The following RALB variants were observed in gnomAD, a reference collection of about 807,000 sequenced individuals.
The protein encoded by RALB is ras-related protein Ral-B.
RALB carries 16 observed loss-of-function variants against 21.3 expected under a neutral mutation model. The ratio of observed to expected loss-of-function variants is 0.75; its 90% CI spans 0.51 to 1.14. The LOEUF is 1.14. Ranked by LOEUF, RALB falls within the 50% of genes most tolerant of loss-of-function variation. RALB has a pLI of 0.00. For missense variants in RALB, 161 were observed against 256.2 expected, an observed-to-expected ratio of 0.63 and a Z score of 2.54; for synonymous variants, 93 against 96.1, an observed-to-expected ratio of 0.97 and a Z score of 0.19.
chr2:120,274,187 G>T (rs1266374336), intron 1 of RALB, among the ~76,000 whole-genome samples: 1 of 152,158 alleles, frequency 6.6e-6, no homozygotes, highest in Non-Finnish European at 1.5e-5. Flanking sequence ...CCTCAGCTCT[G>T]TAGGAAACAG....
chr2:120,281,464 T>C (rs1689988605), intron 2 of RALB, among the ~76,000 whole-genome samples: 1 of 152,242 alleles, frequency 6.6e-6, no homozygotes, highest in African/African-American at 2.4e-5. Context: ...TCATTCAATG[T>C]CAACATTTAC....
chr2:120,289,803 A>G (rs1690264974), intron 4 of RALB, 46 bp downstream of exon 4: 1 of 1,521,610 alleles, frequency 6.6e-7, no homozygotes, highest in Admixed American at 2.2e-5. Flanking sequence ...CCTGAGAAAC[A>G]GCAGAATGGA....
chr2:120,268,079 T>C (rs1689550449), intron 1 of RALB, among the ~76,000 whole-genome samples: 1 of 152,236 alleles, frequency 6.6e-6, no homozygotes, highest in South Asian at 2.1e-4. Context: ...CATGAGCCAC[T>C]GCACCTGGCC....
Position 120,294,253 on chromosome 2 carries a change from C to T in RALB, c.*993C>T, listed in dbSNP as rs557461207. ...GAAATCATGAAGCCAGAGCCTGTGC[C>T]AGACCTTCTGCTACCTCTCATAGAA... On this transcript the variant is annotated 3_prime_UTR_variant, in exon 5 of 5. Transcript: ENST00000272519. 1 of 398,508 alleles carries T rather than the reference C, an allele frequency of 2.5e-6. No homozygotes were observed. Among genetic ancestry groups the T allele is most frequent in the African/African-American group, 2.1e-5 (1 of 48,628 alleles). The allele number at this position is 398,508 out of a possible 1,614,324, so 24.7% of individuals were successfully genotyped here.
At chr2:120,274,473 A>T (rs1026749214) in intron 1 of RALB, among the ~76,000 whole-genome samples, 1 of 152,168 alleles carries the variant, frequency 6.6e-6, no homozygotes, top group African/African-American at 2.4e-5. Context: ...TCACAAACTG[A>T]TGAGTGCCCT....
chr2:120,293,331 G>A lies in RALB; in HGVS notation c.*71G>A. On this transcript the variant is annotated 3_prime_UTR_variant, in exon 5 of 5. Transcript: ENST00000272519. ...CTGGGTTGGTAAAGAGAAGGCTATG[G>A]TTGACTTCTTGCTTGTGCTTCCCAC... 8 of 1,439,986 alleles carry A rather than the reference G, an allele frequency of 5.6e-6. No individual in the cohort carries two copies. The highest frequency in any genetic ancestry group is 7.4e-6 in the Non-Finnish European group (8 of 1,086,966). 89.2% of individuals were successfully genotyped at this position (1,439,986 alleles called of 1,614,324 possible). A position where few individuals can be genotyped will look rare whatever the true frequency, so the allele number is the denominator to read the frequency against.
At chr2:120,277,781 G>A (rs573658062) in intron 1 of RALB, among the ~76,000 whole-genome samples, 1,697 of 151,580 alleles carry the variant, frequency 0.011, 33 homozygotes, top group African/African-American at 0.039. Flanking sequence ...GTGCTAGCAT[G>A]TGTGAGCCTG....
At chr2:120,283,619 A>T (rs1690050197) in intron 2 of RALB, among the ~76,000 whole-genome samples, 2 of 152,050 alleles carry the variant, frequency 1.3e-5, no homozygotes, top group Non-Finnish European at 2.9e-5. Flanking sequence ...GGCCTAACAT[A>T]CTCGTTTTTG....
At chr2:120,253,066 C>T (rs1358234259) in intron 1 of RALB, 86 bp downstream of exon 1, 2 of 862,462 alleles carry the variant, frequency 2.3e-6, no homozygotes, top group Non-Finnish European at 2.8e-6. Flanking sequence ...GCCTCTTGCT[C>T]CCTCCGTGCC....
chr2:120,261,281 G>A (rs1380163830), intron 1 of RALB, among the ~76,000 whole-genome samples: 1 of 152,152 alleles, frequency 6.6e-6, no homozygotes, highest in East Asian at 1.9e-4. Flanking sequence ...AGGAAGAAGG[G>A]TAGTGGTAGG....
chr2:120,243,216 A>C (rs1245065405), intron 1 of RALB, among the ~76,000 whole-genome samples: 1 of 152,232 alleles, frequency 6.6e-6, no homozygotes, highest in Admixed American at 6.5e-5. Context: ...CATGCACTCA[A>C]AACAAGAGAA....
chr2:120,279,017 C>T (rs540165608), intron 2 of RALB, among the ~76,000 whole-genome samples: 81 of 152,298 alleles, frequency 5.3e-4, no homozygotes, highest in African/African-American at 1.9e-3. Context: ...GCATCGTTTC[C>T]ATTGTTATAC....
intron 1 of RALB, among the ~76,000 whole-genome samples, chr2:120,267,734 A>G (rs1226754829): frequency 1.3e-5 from 2 of 152,164 alleles, no homozygotes; most frequent in Admixed American, 1.3e-4. Context: ...AGCGATGCCA[A>G]AAATTTGGAC....
chr2:120,288,342 G>GGTTT (rs1690217814), intron 3 of RALB, among the ~76,000 whole-genome samples: 1 of 117,092 alleles, frequency 8.5e-6, no homozygotes, highest in African/African-American at 3.5e-5. Context: ...GAAAATTTTA[G>GGTTT]TTTTTTTTTT....
intron 1 of RALB, among the ~76,000 whole-genome samples, chr2:120,264,813 C>T (rs555736299): frequency 1.7e-4 from 26 of 152,284 alleles, no homozygotes; most frequent in African/African-American, 6.0e-4. Flanking sequence ...TTCTGTCTCC[C>T]ATTGTGATTG....
chr2:120,279,184 C>T (rs1339150550), intron 2 of RALB, among the ~76,000 whole-genome samples: 2 of 152,168 alleles, frequency 1.3e-5, no homozygotes, highest in Admixed American at 6.5e-5. Flanking sequence ...TTAATCCTTT[C>T]GCAAGTGATA....
chr2:120,240,517 C>G (rs1194928164), intron 1 of RALB, among the ~76,000 whole-genome samples: 1 of 151,952 alleles, frequency 6.6e-6, no homozygotes, highest in Admixed American at 6.5e-5. Flanking sequence ...TCAGGCTGGT[C>G]TCGAACTCCT....
intron 1 of RALB, chr2:120,253,687 G>C: frequency 1.0e-6 from 1 of 985,522 alleles, no homozygotes. Flanking sequence ...TCCTCTCTGT[G>C]CTCATTTCCA....
At chr2:120,283,785 A>G (rs1281915656) in intron 2 of RALB, among the ~76,000 whole-genome samples, 1 of 152,254 alleles carries the variant, frequency 6.6e-6, no homozygotes, top group African/African-American at 2.4e-5. Context: ...TGAGCCATGC[A>G]GAGCTCTGCA....
Sources: allele counts gnomAD v4.1 joint callset (sites outside exome capture counted in the v4.1 genomes callset), GRCh38; gene constraint gnomAD v4.1.1; transcripts MANE v1.5; gene names NCBI Gene and HGNC (gene_info 2026-07-23, HGNC 2026-07-21).